Variants in BTK observed in about 807,000 individuals in gnomAD.
The protein encoded by BTK is Bruton tyrosine kinase.
Under a neutral mutation model 57.4 loss-of-function variants are expected in BTK, and 5 were observed. That is an observed-to-expected ratio of 0.09 (90% confidence interval 0.05 to 0.18). The LOEUF is 0.18. Among genes scored for constraint, BTK ranks in the 10% least tolerant of loss-of-function variants. The pLI is 1.00. For synonymous variants in BTK, 154 were observed against 174.3 expected, an observed-to-expected ratio of 0.88 and a Z score of 0.92; for missense variants, 194 against 501.2, an observed-to-expected ratio of 0.39 and a Z score of 5.85.
At chrX:101,359,265 T>C (rs782252804) in intron 10 of BTK, 28 bp downstream of exon 10, 1 of 1,205,654 alleles carries the variant, frequency 8.3e-7, no homozygotes, top group Middle Eastern at 2.3e-4. Context: ...GCAAGGAGAA[T>C]GCTGTGTGCT....
Position 101,349,669 on chromosome X carries a change from G to A in BTK, c.*216C>T, listed in dbSNP as rs868992947. 8.8e-5 allele frequency: 37 copies of A among 421,610 alleles called. No homozygotes were observed. In the Middle Eastern group the frequency reaches 5.7e-3, roughly 65 times the overall value. 34.7% of individuals were successfully genotyped at this position (421,610 alleles called of 1,213,427 possible). ...AAATTCAGTCTGTCTTAATTCTCTC[G>A]GGAAATTTCAGGCACAATAATTTCT... On this transcript the variant is annotated 3_prime_UTR_variant, in exon 19 of 19. Coordinates refer to ENST00000308731, the MANE Select transcript of BTK (RefSeq NM_000061.3).
At chrX:101,353,121 G>A in intron 18 of BTK, 73 bp downstream of exon 18, 1 of 993,434 alleles carries the variant, frequency 1.0e-6, no homozygotes, top group South Asian at 2.0e-5. Flanking sequence ...TCAGTCTTTG[G>A]TGGCTGAATG....
At chrX:101,383,369 A>C (rs782094606) in intron 1 of BTK, among the ~76,000 whole-genome samples, 3 of 111,861 alleles carry the variant, frequency 2.7e-5, no homozygotes, top group Non-Finnish European at 5.6e-5. Flanking sequence ...AGAGTCAAAA[A>C]AGTATGTGCA....
upstream of BTK, among the ~76,000 whole-genome samples, chrX:101,388,939 G>A (rs1434361463): frequency 9.0e-6 from 1 of 111,615 alleles, no homozygotes; most frequent in East Asian, 2.8e-4. Context: ...AAATTAATGA[G>A]CAGGAGCATG....
intron 1 of BTK, among the ~76,000 whole-genome samples, chrX:101,383,375 G>A (rs1190347283): frequency 8.9e-6 from 1 of 111,743 alleles, no homozygotes; most frequent in Admixed American, 9.6e-5. Flanking sequence ...AAAAAAGTAT[G>A]TGCATTTTGC....
chrX:101,361,138 C>T (rs782792277), intron 7 of BTK, among the ~76,000 whole-genome samples: 34 of 109,510 alleles, frequency 3.1e-4, no homozygotes, highest in Non-Finnish European at 5.7e-4. Context: ...ATAACTTGAC[C>T]CCAGGAGGCG....
chrX:101,362,323 C>T lies in BTK; in HGVS notation c.521-83G>A, dbSNP rs782097682. On this transcript the variant is annotated intron_variant, in intron 6 of 18. Transcript: ENST00000308731. ...CAGGTTTGGTCAGGGACTTTGCCGTCCATATTGAGTGCCTTTAGGCAAGTT... is the reference window on the plus strand; with the variant it reads ...CAGGTTTGGTCAGGGACTTTGCCGTTCATATTGAGTGCCTTTAGGCAAGTT... 9.1e-6 allele frequency: 10 copies of T among 1,101,169 alleles called. No homozygotes were observed. In the East Asian group the frequency reaches 2.7e-4, roughly 30 times the overall value. 90.7% of individuals were successfully genotyped at this position (1,101,169 alleles called of 1,213,427 possible). A position where few individuals can be genotyped will look rare whatever the true frequency, so the allele number is the denominator to read the frequency against.
At chrX:101,380,669 T>C (rs1265172948) in intron 1 of BTK, among the ~76,000 whole-genome samples, 1 of 111,351 alleles carries the variant, frequency 9.0e-6, no homozygotes, top group Non-Finnish European at 1.9e-5. Flanking sequence ...ATATTATTAT[T>C]ACAGATGTAA....
chrX:101,354,557 C>T, intron 16 of BTK, 73 bp downstream of exon 16: 2 of 1,040,516 alleles, frequency 1.9e-6, no homozygotes, highest in Non-Finnish European at 2.7e-6. Flanking sequence ...AGGATTAAAA[C>T]TGTAACACCT....
At chrX:101,364,603 G>C (rs1251413044) in intron 5 of BTK, among the ~76,000 whole-genome samples, 17 of 106,685 alleles carry the variant, frequency 1.6e-4, no homozygotes, top group Non-Finnish European at 2.5e-4. Flanking sequence ...TCTCCACATA[G>C]ATTTGAAAAC....
At chrX:101,382,113 T>C (rs781921423) in intron 1 of BTK, among the ~76,000 whole-genome samples, 120 of 109,509 alleles carry the variant, frequency 1.1e-3, no homozygotes, top group Non-Finnish European at 1.7e-3. Context: ...ATTCCCAAGA[T>C]GCTTTTGTTC....
At chrX:101,387,821 C>T (rs1927665619), upstream of BTK, among the ~76,000 whole-genome samples, 2 of 109,809 alleles carry the variant, frequency 1.8e-5, no homozygotes, top group South Asian at 7.7e-4. Flanking sequence ...TTCCACTCAC[C>T]TGCCTGAGGG....
At chrX:101,379,167 T>A (rs868963853) in intron 1 of BTK, among the ~76,000 whole-genome samples, 311 of 68,258 alleles carry the variant, frequency 4.6e-3, no homozygotes, top group African/African-American at 0.017. Flanking sequence ...AAAAAAAAAA[T>A]AAAAAATAAA....
At chrX:101,372,413 G>A (rs1483542150) in intron 3 of BTK, among the ~76,000 whole-genome samples, 4 of 110,715 alleles carry the variant, frequency 3.6e-5, no homozygotes, top group East Asian at 2.8e-4. Flanking sequence ...CCAACTTTAT[G>A]AGTAAAAGAA....
At position 101,356,193 on chromosome X, in the gene BTK, C is replaced by T. The variant is rs1926475303; in HGVS notation, c.1425G>A (p.Glu475=). 8.3e-7 allele frequency: 1 copy of T among 1,211,926 alleles called. No individual in the cohort carries two copies. The highest frequency in any genetic ancestry group is 1.7e-5 in the African/African-American group (1 of 57,826). The change falls in exon 15 of 19, where the codon GAG becomes GAA. Residue 475 remains glutamate, a synonymous_variant. Coordinates refer to ENST00000308731, the MANE Select transcript of BTK (RefSeq NM_000061.3). ...TKQRPIFIIT[E]YMANGCLLNY... ...TCAGGAGGCAGCCATTGGCCATGTA[C>T]TCAGTGATGATGAAGATGGGGCGCT... is the stretch of plus-strand genomic sequence containing the variant.
chrX:101,362,405 G>C (rs998047992), intron 6 of BTK, among the ~76,000 whole-genome samples, 156 bp downstream of exon 6: 2 of 112,032 alleles, frequency 1.8e-5, no homozygotes, highest in Non-Finnish European at 3.8e-5. Context: ...TTACCAGCTG[G>C]ATTTCAGCCC....
intron 5 of BTK, among the ~76,000 whole-genome samples, chrX:101,369,217 A>G (rs1246209580): frequency 1.8e-5 from 2 of 112,613 alleles, no homozygotes; most frequent in Admixed American, 1.9e-4. Context: ...AAAGAGATGT[A>G]CAGTGCTTTC....
At chrX:101,354,424 A>G (rs782342720) in intron 16 of BTK, among the ~76,000 whole-genome samples, 1 of 111,755 alleles carries the variant, frequency 8.9e-6, no homozygotes, top group Admixed American at 9.6e-5. Context: ...AAAGGGAGAA[A>G]GGAAGGAAAG....
At chrX:101,355,892 G>A in intron 15 of BTK, 160 bp downstream of exon 15, 1 of 563,093 alleles carries the variant, frequency 1.8e-6, no homozygotes, top group Non-Finnish European at 3.1e-6. Context: ...TATTTGATGG[G>A]CTCAGCACTG....
Sources: gnomAD v4.1 joint callset for allele counts (sites outside exome capture counted in the v4.1 genomes callset) on GRCh38, gnomAD v4.1.1 for gene constraint, MANE v1.5 for transcripts, NCBI Gene and HGNC (gene_info 2026-07-23, HGNC 2026-07-21) for gene names.